PKHD1: variants seen among roughly 807,000 people sequenced by gnomAD.
The protein encoded by PKHD1 is fibrocystin.
Under a neutral mutation model 412.0 loss-of-function variants are expected in PKHD1, and 291 were observed. That is an observed-to-expected ratio of 0.71 (90% CI 0.64 to 0.78). The LOEUF (loss-of-function observed/expected upper bound fraction) is 0.78. Ranked by LOEUF, PKHD1 falls within the 30% of genes least tolerant of loss-of-function variation. PKHD1 has a pLI of 0.00. For missense variants in PKHD1, 4,825 were observed against 4,950.7 expected (o/e 0.97, Z 0.76); for synonymous variants, 1,777 against 1,821.5 (o/e 0.98, Z 0.62).
intron 35 of PKHD1, among the ~76,000 whole-genome samples, chr6:51,983,307 CATT>C (rs1795809162): frequency 6.6e-6 from 1 of 152,148 alleles, no homozygotes; most frequent in African/African-American, 2.4e-5. Context: ...TCTGAAACAT[CATT>C]ATTGTGTAAA....
chr6:51,911,948 T>A lies in PKHD1; in HGVS notation c.6341A>T (p.His2114Leu). The change falls in exon 39 of 67, where the codon CAC becomes CTC. Residue 2114 changes from histidine to leucine, a missense_variant. Coordinates refer to ENST00000371117, the MANE Select transcript of PKHD1 (RefSeq NM_138694.4). ...AGCCACCCAATTCTCTGTAAAGTTG[T>A]GAGAATATCTGGAGAAAAAAAGAGG... ...LYLKSPLRYSHNFTENWVAGE... is the reference protein window; with the variant it reads ...LYLKSPLRYSLNFTENWVAGE... 4 of 1,609,756 alleles carry A rather than the reference T, an allele frequency of 2.5e-6. No individual in the cohort carries two copies. The highest frequency in any genetic ancestry group is 1.7e-6 in the Non-Finnish European group (2 of 1,177,746).
intron 13 of PKHD1, among the ~76,000 whole-genome samples, chr6:52,063,318 G>A (rs189651409): frequency 3.3e-5 from 5 of 152,070 alleles, no homozygotes; most frequent in East Asian, 1.9e-4. Context: ...CCAGCTAGAC[G>A]TGTAGCTTTG....
At chr6:51,686,632 A>G (rs999550096) in intron 60 of PKHD1, among the ~76,000 whole-genome samples, 2 of 152,192 alleles carry the variant, frequency 1.3e-5, no homozygotes, top group African/African-American at 4.8e-5. Flanking sequence ...TATTATGTAT[A>G]TTACTTAGTC....
At position 52,019,003 on chromosome 6, in the gene PKHD1, A is replaced by G. The variant is rs140516553; in HGVS notation, c.5381-1374T>C. The stretch of plus-strand genomic sequence containing the variant: ...ATAGAGATAAAAAGCAAGTATTTGA[A>G]GCATGCTGACTCTCAGGCCATTTTT... On this transcript the variant is annotated intron_variant, in intron 33 of 66. Transcript: ENST00000371117. 2.6e-5 allele frequency among the ~76,000 whole-genome samples: 4 copies of G among 152,330 alleles called. No individual in the cohort carries two copies. The East Asian group carries it at 7.7e-4, about 29-fold the overall frequency.
At chr6:51,991,982 A>C (rs1253327018) in intron 35 of PKHD1, among the ~76,000 whole-genome samples, 1 of 152,232 alleles carries the variant, frequency 6.6e-6, no homozygotes, top group Non-Finnish European at 1.5e-5. Flanking sequence ...ATTATGGGGC[A>C]AGAGTGCCAA....
Position 52,084,988 on chromosome 6 carries a change from A to C in PKHD1, c.-55T>G. Reference sequence around the variant, plus strand: ...TTGCTCAGACATTAAAAGCATTTTCAGTTTTGATTGGAGCAGCATAGCTTT... The same window carrying C: ...TTGCTCAGACATTAAAAGCATTTTCCGTTTTGATTGGAGCAGCATAGCTTT... On this transcript the variant is annotated 5_prime_UTR_variant, in exon 2 of 67. Transcript: ENST00000371117. The C allele has an allele frequency of 8.5e-7, 1 of 1,178,018 alleles. No homozygotes were observed. Among genetic ancestry groups the C allele is most frequent in the Non-Finnish European group, 1.3e-6 (1 of 781,388 alleles). The allele number at this position is 1,178,018 out of a possible 1,614,324, so 73.0% of individuals were successfully genotyped here. A position where few individuals can be genotyped will look rare whatever the true frequency, so the allele number is the denominator to read the frequency against.
intron 33 of PKHD1, among the ~76,000 whole-genome samples, chr6:52,019,904 T>C (rs1801154646): frequency 6.6e-6 from 1 of 152,172 alleles, no homozygotes. Flanking sequence ...ACCTCCAAAA[T>C]AGCAAAAGCA....
chr6:51,847,846 A>C lies in PKHD1; in HGVS notation c.8036T>G (p.Leu2679Arg). ...GSRVGLSFPFLPSPGQNQGCD... is the reference protein window; with the variant it reads ...GSRVGLSFPFRPSPGQNQGCD... The stretch of plus-strand genomic sequence containing the variant: ...GCCTTGGTTCTGACCTGGTGATGGA[A>C]GAAATGGAAAAGACAGACCCACTCG... Residue 2679 changes from leucine to arginine, a missense_variant, in exon 50 of 67, where the codon CTT (leucine) becomes CGT (arginine). By Grantham distance (102) the Leu-to-Arg change is moderately radical (BLOSUM62 -2). Transcript: ENST00000371117. The C allele has an allele frequency of 6.2e-7, 1 of 1,614,092 alleles. No homozygotes were observed. The highest frequency in any genetic ancestry group is 8.5e-7 in the Non-Finnish European group (1 of 1,179,908).
intron 60 of PKHD1, among the ~76,000 whole-genome samples, chr6:51,725,355 A>T (rs1782445196): frequency 6.6e-6 from 1 of 152,204 alleles, no homozygotes; most frequent in Non-Finnish European, 1.5e-5. Context: ...GTCCAAGGCA[A>T]ACAGAGAGTC....
At chr6:51,911,731 C>T (rs1782964929) in intron 39 of PKHD1, 68 bp downstream of exon 39, 4 of 1,338,312 alleles carry the variant, frequency 3.0e-6, no homozygotes, top group Non-Finnish European at 4.3e-6. Flanking sequence ...ACAGCAATGC[C>T]ATCTATCATC....
intron 60 of PKHD1, among the ~76,000 whole-genome samples, chr6:51,715,536 T>C (rs1229604295): frequency 6.6e-6 from 1 of 152,208 alleles, no homozygotes; most frequent in Non-Finnish European, 1.5e-5. Context: ...CCTGGTCTGA[T>C]GAAGACCATG....
chr6:51,871,569 A>C (rs1418301376), intron 46 of PKHD1, among the ~76,000 whole-genome samples: 1 of 118,916 alleles, frequency 8.4e-6, no homozygotes, highest in Admixed American at 7.9e-5. Flanking sequence ...GGGTGGATGC[A>C]ACTGTTCTGT....
In PKHD1 at chr6:51,658,991, G is replaced by A. The variant is rs1238762021; in HGVS notation, c.11135C>T (p.Ala3712Val). 1.9e-6 allele frequency: 3 copies of A among 1,612,546 alleles called. No homozygotes were observed. The highest frequency in any genetic ancestry group is 4.5e-5 in the East Asian group (2 of 44,862). ...LENVLNMTIGALLVTQSKGVI... is the reference protein window; with the variant it reads ...LENVLNMTIGVLLVTQSKGVI... The stretch of plus-strand genomic sequence containing the variant: ...TCCCTTTGACTGAGTAACTAGTAAG[G>A]CCCCGATAGTCATATTCAGAACATT... The change falls in exon 61 of 67, where the codon GCC becomes GTC. Residue 3712 changes from alanine to valine, a missense_variant. Ala to Val is a moderately conservative substitution (Grantham distance 64). Coordinates refer to ENST00000371117, the MANE Select transcript of PKHD1 (RefSeq NM_138694.4).
intron 55 of PKHD1, among the ~76,000 whole-genome samples, chr6:51,757,700 AT>A (rs890998684): frequency 6.6e-6 from 1 of 152,026 alleles, no homozygotes; most frequent in African/African-American, 2.4e-5. Context: ...TTGATATTTA[AT>A]AAAAATAAGA....
chr6:51,743,942 G>A (rs1334903640), intron 60 of PKHD1, among the ~76,000 whole-genome samples: 2 of 152,144 alleles, frequency 1.3e-5, no homozygotes, highest in African/African-American at 4.8e-5. Flanking sequence ...ATGGAGAAAA[G>A]GGAGACAAAA....
chr6:51,964,720 T>C (rs1792554116), intron 35 of PKHD1, among the ~76,000 whole-genome samples: 1 of 152,178 alleles, frequency 6.6e-6, no homozygotes. Context: ...GATATGAAGC[T>C]ATAATTTAAT....
At chr6:51,968,230 G>A (rs1183081730) in intron 35 of PKHD1, among the ~76,000 whole-genome samples, 2 of 151,726 alleles carry the variant, frequency 1.3e-5, no homozygotes, top group Admixed American at 1.3e-4. Context: ...TCTCCTCAAG[G>A]GCAAAAAAAA....
At chr6:51,842,818 T>C (rs1287853792) in intron 50 of PKHD1, among the ~76,000 whole-genome samples, 2 of 151,704 alleles carry the variant, frequency 1.3e-5, no homozygotes, top group Non-Finnish European at 2.9e-5. Context: ...GACACAGGAG[T>C]GTGCAGAAGG....
At chr6:51,728,980 T>C (rs150570479) in intron 60 of PKHD1, among the ~76,000 whole-genome samples, 81 of 152,350 alleles carry the variant, frequency 5.3e-4, no homozygotes, top group Non-Finnish European at 9.4e-4. Flanking sequence ...TATAAAGCTC[T>C]AAGATTTCCT....
Sources: gnomAD v4.1 joint callset for allele counts (sites outside exome capture counted in the v4.1 genomes callset) on GRCh38, gnomAD v4.1.1 for gene constraint, MANE v1.5 for transcripts, NCBI Gene and HGNC (gene_info 2026-07-23, HGNC 2026-07-21) for gene names.